IL34: variants seen among roughly 807,000 people sequenced by gnomAD.
IL34 encodes the protein interleukin 34.
IL34 carries 17 observed loss-of-function variants against 25.3 expected under a neutral mutation model. That is an observed-to-expected ratio of 0.67 (90% CI 0.46 to 1.01). The LOEUF is 1.01. IL34 is among the 50% of genes least tolerant of loss of function. The pLI is 0.00. For missense variants in IL34, 368 were observed against 312.9 expected, an observed-to-expected ratio of 1.18 and a Z score of -1.33; for synonymous variants, 174 against 140.9, an observed-to-expected ratio of 1.23 and a Z score of -1.66.
At chr16:70,598,377 C>T (rs987591765) in intron 1 of IL34, among the ~76,000 whole-genome samples, 1 of 152,124 alleles carries the variant, frequency 6.6e-6, no homozygotes, top group African/African-American at 2.4e-5. Flanking sequence ...GTAATGTTTT[C>T]CTCAGGCCGC....
rs944626998 is a variant in IL34 at position 70,627,439 on chromosome 16, C to A, written c.-400-19109C>A. On this transcript the variant is annotated intron_variant, in intron 1 of 6. Coordinates refer to the IL34 transcript ENST00000429149. ...AGGTGCATCCCTCCTCTCCCCTCCC[C>A]CTCCGCTCCCCTCCCCCTCCTCCCC... Among the ~76,000 whole-genome samples, 40 of 143,786 alleles carry A rather than the reference C, an allele frequency of 2.8e-4. No individual in the cohort carries two copies. In the East Asian group the frequency reaches 4.8e-3, roughly 17 times the overall value. 94.3% of individuals were successfully genotyped at this position (143,786 alleles called of 152,430 possible).
chr16:70,653,725 A>AT (rs1437943192), intron 1 of IL34, among the ~76,000 whole-genome samples: 2 of 152,130 alleles, frequency 1.3e-5, no homozygotes, highest in Admixed American at 1.3e-4. Context: ...TTTAATGTGA[A>AT]TTTATTTATC....
chr16:70,641,533 C>G (rs1304155256), intron 1 of IL34, among the ~76,000 whole-genome samples: 2 of 148,868 alleles, frequency 1.3e-5, no homozygotes, highest in African/African-American at 5.0e-5. Context: ...TCCTCCCTCC[C>G]TCCCTTCCTT....
intron 4 of IL34, among the ~76,000 whole-genome samples, chr16:70,657,948 A>T (rs1016650148): frequency 6.6e-6 from 1 of 152,182 alleles, no homozygotes; most frequent in African/African-American, 2.4e-5. Flanking sequence ...CGCTCAGAGA[A>T]ATTGATCTGA....
At chr16:70,600,359 C>T (rs1313501910) in intron 1 of IL34, among the ~76,000 whole-genome samples, 5 of 152,128 alleles carry the variant, frequency 3.3e-5, no homozygotes, top group African/African-American at 1.2e-4. Flanking sequence ...TCTGGATTGG[C>T]CTTGAAGATC....
chr16:70,621,946 G>T (rs185800302), intron 1 of IL34, among the ~76,000 whole-genome samples: 2 of 152,030 alleles, frequency 1.3e-5, no homozygotes, highest in East Asian at 3.9e-4. Flanking sequence ...TCAGTTAAGG[G>T]GGGGCAGGGC....
At chr16:70,592,316 C>T (rs1444083113) in intron 1 of IL34, among the ~76,000 whole-genome samples, 2 of 152,230 alleles carry the variant, frequency 1.3e-5, no homozygotes, top group Middle Eastern at 6.8e-3. Context: ...TACTCGCCCT[C>T]GTTCTTCTCC....
intron 1 of IL34, among the ~76,000 whole-genome samples, chr16:70,638,534 G>A (rs1437006703): frequency 6.6e-6 from 1 of 151,950 alleles, no homozygotes. Flanking sequence ...CTCTCTCTCT[G>A]GTCCCCTGGT....
intron 4 of IL34, 38 bp from the exon 5 acceptor site, chr16:70,659,580 C>T (rs761824322): frequency 1.5e-5 from 24 of 1,575,726 alleles, no homozygotes; most frequent in Non-Finnish European, 1.9e-5. Context: ...GGTGCGGCCC[C>T]ATCTCGCCAC....
Position 70,621,439 on chromosome 16 carries a change from G to T in IL34, c.-400-25109G>T, listed in dbSNP as rs144481867. On this transcript the variant is annotated intron_variant, in intron 1 of 6. Coordinates refer to the IL34 transcript ENST00000429149. Reference sequence around the variant, plus strand: ...GGTTGAGGGACAGTGAGAGAGGTTGGAGAAGAGTAAGAAGGGGCCGCTTAC... The same window carrying T: ...GGTTGAGGGACAGTGAGAGAGGTTGTAGAAGAGTAAGAAGGGGCCGCTTAC... Among the ~76,000 whole-genome samples, 1,412 of 151,662 alleles carry T rather than the reference G, an allele frequency of 9.3e-3. 27 individuals are homozygous for T. The highest frequency in any genetic ancestry group is 0.032 in the African/African-American group (1,342 of 41,300).
In IL34 at chr16:70,641,372, A is replaced by G. The variant is rs79914376; in HGVS notation, c.-400-5176A>G. On this transcript the variant is annotated intron_variant, in intron 1 of 6. Transcript: ENST00000429149. ...GGCCAAAAGGTGGAAACAGCCCAAA[A>G]GTTCACCAACCAAGGGCACTGTATA... Among the ~76,000 whole-genome samples, 8 of 152,304 alleles carry G rather than the reference A, an allele frequency of 5.3e-5. No individual in the cohort carries two copies. In the East Asian group the frequency reaches 1.2e-3, roughly 22 times the overall value.
At position 70,624,367 on chromosome 16, in the gene IL34, CT is replaced by C. The variant is rs1232828933; in HGVS notation, c.-400-22174del. Among the ~76,000 whole-genome samples the C allele has an allele frequency of 5.9e-5, 9 of 152,134 alleles. No homozygotes were observed. In the South Asian group the frequency reaches 6.2e-4, roughly 11 times the overall value. On this transcript the variant is annotated intron_variant, in intron 1 of 6. Coordinates refer to the IL34 transcript ENST00000429149. ...TCACAGTGGAGGCAAGGAATTGCAACTTTTTTTCTGTTACTGTACACCTTGA... is the reference window on the plus strand; with the variant it reads ...TCACAGTGGAGGCAAGGAATTGCAACTTTTTTCTGTTACTGTACACCTTGA...
intron 1 of IL34, among the ~76,000 whole-genome samples, chr16:70,626,081 C>G (rs1220922440): frequency 6.6e-6 from 1 of 152,206 alleles, no homozygotes; most frequent in Non-Finnish European, 1.5e-5. Flanking sequence ...GTTTATTTCA[C>G]CTGGGTGCAG....
At position 70,656,633 on chromosome 16, in the gene IL34, G is replaced by C. The variant is rs1426952987; in HGVS notation, c.194G>C (p.Ser65Thr). 6.9e-7 allele frequency: 1 copy of C among 1,456,796 alleles called. No homozygotes were observed. The highest frequency in any genetic ancestry group is 1.4e-5 in the African/African-American group (1 of 71,862). 90.2% of individuals were successfully genotyped at this position (1,456,796 alleles called of 1,614,324 possible). Residue 65 changes from serine (S) to threonine (T), a missense_variant, in exon 3 of 6, where the codon AGT becomes ACT. Coordinates refer to ENST00000288098, the MANE Select transcript of IL34 (RefSeq NM_001393494.1). ...KHYFPINYKI[S>T]VPYEGVFRIA... ...TACTTCCCCATCAACTACAAGATCAGTGTGCCTTACGAGGGGGTGTTCAGA... is the reference window on the plus strand; with the variant it reads ...TACTTCCCCATCAACTACAAGATCACTGTGCCTTACGAGGGGGTGTTCAGA...
chr16:70,651,837 A>T (rs1185310768), intron 1 of IL34, among the ~76,000 whole-genome samples: 2 of 152,044 alleles, frequency 1.3e-5, no homozygotes, highest in Non-Finnish European at 2.9e-5. Flanking sequence ...AACATAAAAA[A>T]TGTCCTGGGT....
At chr16:70,601,503 C>A (rs537131062) in intron 1 of IL34, among the ~76,000 whole-genome samples, 96 of 152,282 alleles carry the variant, frequency 6.3e-4, no homozygotes, top group African/African-American at 2.2e-3. Context: ...CCTCTGCCTC[C>A]TGGGCTCAAA....
At chr16:70,590,588 G>A (rs2151806805) in intron 1 of IL34, among the ~76,000 whole-genome samples, 1 of 152,298 alleles carries the variant, frequency 6.6e-6, no homozygotes, top group Non-Finnish European at 1.5e-5. Flanking sequence ...CCAATAGTGC[G>A]GAAGTAGCTG....
intron 1 of IL34, among the ~76,000 whole-genome samples, chr16:70,628,347 A>G (rs1464233806): frequency 1.3e-5 from 2 of 151,952 alleles, no homozygotes; most frequent in Admixed American, 6.6e-5. Flanking sequence ...GTCCTTTAGC[A>G]TTGTTTACAG....
At chr16:70,595,250 C>T (rs757700017) in intron 1 of IL34, among the ~76,000 whole-genome samples, 17 of 151,402 alleles carry the variant, frequency 1.1e-4, no homozygotes, top group Admixed American at 7.9e-4. Context: ...TGTGAGCCAC[C>T]GTGCCTGGCC....
Sources: allele counts gnomAD v4.1 joint callset (sites outside exome capture counted in the v4.1 genomes callset), GRCh38; gene constraint gnomAD v4.1.1; transcripts MANE v1.5; gene names NCBI Gene and HGNC (gene_info 2026-07-23, HGNC 2026-07-21).